The following UBR1 variants were observed in gnomAD, a reference collection of about 807,000 sequenced individuals.
The protein encoded by UBR1 is ubiquitin protein ligase E3 component n-recognin 1, also known as E3 ubiquitin-protein ligase UBR1.
A neutral mutation model predicts 242.1 loss-of-function variants in UBR1; 102 were observed. The ratio of observed to expected loss-of-function variants is 0.42; its 90% CI spans 0.36 to 0.50. The LOEUF (loss-of-function observed/expected upper bound fraction) is 0.50, where lower values mean the gene tolerates loss of function less well. Ranked by LOEUF, UBR1 falls within the 20% of genes least tolerant of loss-of-function variation. The pLI is 0.01. For missense variants in UBR1, 1,772 were observed against 2,101.8 expected (o/e 0.84, Z 3.07); for synonymous variants, 675 against 684.8 (o/e 0.99, Z 0.22).
intron 30 of UBR1, among the ~76,000 whole-genome samples, chr15:43,006,839 T>A (rs2032838986): frequency 2.0e-5 from 3 of 152,096 alleles, no homozygotes; most frequent in African/African-American, 7.2e-5. Flanking sequence ...AAGCAACACG[T>A]GTTTGTTTGG....
chr15:43,103,462 C>T (rs1040904291), intron 1 of UBR1, among the ~76,000 whole-genome samples: 1 of 152,322 alleles, frequency 6.6e-6, no homozygotes, highest in African/African-American at 2.4e-5. Flanking sequence ...GTGGCCCATA[C>T]ACCACTATTA....
In UBR1 at chr15:43,007,375, T is replaced by C. The variant is rs2032849312; in HGVS notation, c.3210-91A>G. The stretch of plus-strand genomic sequence containing the variant: ...ATTTTAAGTAACTATAGGCAAGAAA[T>C]ATAAGAAAGATAATAAAAATAAAAA... On this transcript the variant is annotated intron_variant, in intron 29 of 46. Transcript: ENST00000290650. The C allele has an allele frequency of 4.7e-6, 5 of 1,066,302 alleles. No individual in the cohort carries two copies. In the East Asian group the frequency reaches 1.3e-4, roughly 27 times the overall value. 66.1% of individuals were successfully genotyped at this position (1,066,302 alleles called of 1,614,324 possible). A position where few individuals can be genotyped will look rare whatever the true frequency, so the allele number is the denominator to read the frequency against.
chr15:43,065,719 A>G (rs2033744570), intron 6 of UBR1, among the ~76,000 whole-genome samples: 1 of 152,074 alleles, frequency 6.6e-6, no homozygotes, highest in South Asian at 2.1e-4. Context: ...TTCTCTAATG[A>G]TCAATGATGT....
In UBR1 at chr15:42,976,868, CTA is replaced by C. The variant is rs1445875848; in HGVS notation, c.4219-3_4219-2del. 1.9e-6 allele frequency: 3 copies of C among 1,613,224 alleles called. No individual in the cohort carries two copies. Among genetic ancestry groups the C allele is most frequent in the Non-Finnish European group, 2.5e-6 (3 of 1,179,578 alleles). On this transcript the variant is annotated splice_acceptor_variant and splice_polypyrimidine_tract_variant and intron_variant, in intron 38 of 46. Coordinates refer to ENST00000290650, the MANE Select transcript of UBR1 (RefSeq NM_174916.3). LOFTEE classifies it high-confidence loss of function. Reference sequence around the variant, plus strand: ...ATGGGAATGCTAACACAGCACCCACCTATGAGAGAAAAATGGACATCAATATG... The same window carrying C: ...ATGGGAATGCTAACACAGCACCCACCTGAGAGAAAAATGGACATCAATATG...
At chr15:42,992,684 G>C (rs2032574411) in intron 33 of UBR1, among the ~76,000 whole-genome samples, 1 of 152,148 alleles carries the variant, frequency 6.6e-6, no homozygotes, top group Non-Finnish European at 1.5e-5. Context: ...AAAAATATGA[G>C]AGTCCCCTTC....
At chr15:43,033,052 T>A (rs2033278517) in intron 19 of UBR1, among the ~76,000 whole-genome samples, 1 of 152,222 alleles carries the variant, frequency 6.6e-6, no homozygotes, top group Non-Finnish European at 1.5e-5. Flanking sequence ...TTTCACTAAG[T>A]ATAAAACAAC....
At chr15:42,954,137 A>G (rs1163549710) in intron 44 of UBR1, among the ~76,000 whole-genome samples, 1 of 152,000 alleles carries the variant, frequency 6.6e-6, no homozygotes, top group African/African-American at 2.4e-5. Context: ...CACCCACCTC[A>G]GCCTCCCAAA....
At chr15:43,071,664 T>C (rs1344083812) in intron 4 of UBR1, among the ~76,000 whole-genome samples, 1 of 152,152 alleles carries the variant, frequency 6.6e-6, no homozygotes, top group Non-Finnish European at 1.5e-5. Flanking sequence ...CCATCTAAGA[T>C]CACAGAGCTT....
chr15:43,097,093 A>G (rs891848831), intron 1 of UBR1, among the ~76,000 whole-genome samples: 1 of 152,186 alleles, frequency 6.6e-6, no homozygotes, highest in Non-Finnish European at 1.5e-5. Context: ...GAGAGTTGCA[A>G]TTACTCCTTG....
rs116642054 is a variant in UBR1 at position 43,061,066 on chromosome 15, T to C, written c.799-952A>G. Among the ~76,000 whole-genome samples the C allele has an allele frequency of 4.8e-3, 726 of 152,208 alleles. 6 individuals are homozygous for C. Among genetic ancestry groups the C allele is most frequent in the African/African-American group, 0.017 (697 of 41,542 alleles). On this transcript the variant is annotated intron_variant, in intron 6 of 46. Coordinates refer to ENST00000290650, the MANE Select transcript of UBR1 (RefSeq NM_174916.3). ...ATGTATGTGATGCTGGCAATTAACC[T>C]AAAGCAGTGGATCTCAACAAACAGG...
intron 36 of UBR1, 89 bp from the exon 37 acceptor site, chr15:42,984,082 AGTTT>A: frequency 2.2e-6 from 2 of 918,732 alleles, no homozygotes; most frequent in South Asian, 3.1e-5. Context: ...AACCAACTCT[AGTTT>A]GTCGGAATTA....
At chr15:43,035,947 G>A (rs1031483520) in intron 19 of UBR1, among the ~76,000 whole-genome samples, 20 of 149,232 alleles carry the variant, frequency 1.3e-4, no homozygotes, top group East Asian at 1.2e-3. Context: ...GGGGAGGGGC[G>A]AAGGATAGCA....
At chr15:43,047,068 C>A in intron 14 of UBR1, 93 bp downstream of exon 14, 1 of 1,455,442 alleles carries the variant, frequency 6.9e-7, no homozygotes, top group Admixed American at 1.8e-5. Flanking sequence ...ATAATAAAAA[C>A]TTTACATCAA....
In UBR1 at chr15:42,945,248, GC is replaced by G; in HGVS notation, c.*80del. On this transcript the variant is annotated 3_prime_UTR_variant, in exon 47 of 47. Coordinates refer to ENST00000290650, the MANE Select transcript of UBR1 (RefSeq NM_174916.3). The stretch of plus-strand genomic sequence containing the variant: ...CAAAAGACCCTCCAATACTTTCCCA[GC>G]CCTCAGAAAGTTTTCCATAATTTTG... 1 of 1,599,046 alleles carries G rather than the reference GC, an allele frequency of 6.3e-7. No homozygotes were observed. Among genetic ancestry groups the G allele is most frequent in the Non-Finnish European group, 8.6e-7 (1 of 1,168,900 alleles).
chr15:42,990,502 A>G (rs900988906), intron 33 of UBR1, among the ~76,000 whole-genome samples: 4 of 152,198 alleles, frequency 2.6e-5, no homozygotes, highest in Admixed American at 1.3e-4. Flanking sequence ...ATACATGATC[A>G]TTTTAGGAAA....
chr15:43,059,581 T>C, intron 8 of UBR1, 121 bp downstream of exon 8: 1 of 1,189,602 alleles, frequency 8.4e-7, no homozygotes, highest in Non-Finnish European at 1.1e-6. Flanking sequence ...AATCAAAGTG[T>C]ATAAACCAAA....
chr15:43,101,247 G>A (rs1035848830), intron 1 of UBR1, among the ~76,000 whole-genome samples: 2 of 152,156 alleles, frequency 1.3e-5, no homozygotes, highest in African/African-American at 4.8e-5. Context: ...AAGCCACTGA[G>A]GATTTAGGTA....
intron 26 of UBR1, among the ~76,000 whole-genome samples, 167 bp from the exon 27 acceptor site, chr15:43,021,542 T>C (rs1405299591): frequency 6.6e-6 from 1 of 152,220 alleles, no homozygotes; most frequent in Non-Finnish European, 1.5e-5. Flanking sequence ...TGCTTCTGTA[T>C]GCTTTAAATC....
intron 37 of UBR1, among the ~76,000 whole-genome samples, chr15:42,978,732 CTTT>C (rs530091685): frequency 5.2e-5 from 7 of 134,214 alleles, no homozygotes; most frequent in Admixed American, 7.5e-5. Context: ...CTTTTCTTTT[CTTT>C]TTTTTTTTTT....
Sources: gnomAD v4.1 joint callset for allele counts (sites outside exome capture counted in the v4.1 genomes callset) on GRCh38, gnomAD v4.1.1 for gene constraint, MANE v1.5 for transcripts, NCBI Gene and HGNC (gene_info 2026-07-23, HGNC 2026-07-21) for gene names.